LIPG: variants seen among roughly 807,000 people sequenced by gnomAD.
LIPG encodes the protein lipase G, endothelial type.
Under a neutral mutation model 51.8 loss-of-function variants are expected in LIPG, and 34 were observed. That is an observed-to-expected ratio of 0.66 (90% CI 0.50 to 0.87). The LOEUF is 0.87. Among genes scored for constraint, LIPG ranks in the 40% least tolerant of loss-of-function variants. The pLI is 0.00. For missense variants in LIPG, 580 were observed against 652.7 expected (o/e 0.89, Z 1.21); for synonymous variants, 246 against 246.1 (o/e 1.00, Z 0.00).
Position 49,565,321 on chromosome 18 carries a change from G to C in LIPG, c.102G>C (p.Lys34Asn). 1.9e-6 allele frequency: 3 copies of C among 1,613,964 alleles called. No homozygotes were observed. The highest frequency in any genetic ancestry group is 4.5e-5 in the East Asian group (2 of 44,874). The stretch of plus-strand genomic sequence containing the variant: ...CGCTCTGTTCTGTCTCCCCAGATAA[G>C]CTCCACAAACCCAAAGCTACACAGA... ...PFGPEGRLED[K>N]LHKPKATQTE... The change falls in exon 2 of 10, where the codon AAG becomes AAC. Residue 34 changes from lysine (K) to asparagine (N), a missense_variant. Physicochemically the swap from Lys to Asn is moderately conservative, Grantham distance 94. Coordinates refer to ENST00000261292, the MANE Select transcript of LIPG (RefSeq NM_006033.4).
chr18:49,589,393 T>G (rs2084917474), intron 9 of LIPG: 3 of 152,230 alleles, frequency 2.0e-5, no homozygotes, highest in Non-Finnish European at 4.4e-5. Flanking sequence ...TGTTTCCACA[T>G]ATATTAACTT....
At position 49,597,365 on chromosome 18, in the gene LIPG, G is replaced by A. The variant is rs543580490; in HGVS notation, c.*6843G>A. On this transcript the variant is annotated 3_prime_UTR_variant, in exon 10 of 10. Transcript: ENST00000261292. ...CCCAGTGGTTTCCATGGCAGCAACG[G>A]TTGCCATAGAGAGGTGAAGAGAGGT... 4.6e-4 allele frequency: 70 copies of A among 152,328 alleles called. No individual in the cohort carries two copies. The highest frequency in any genetic ancestry group is 1.5e-3 in the African/African-American group (63 of 41,566). The allele number at this position is 152,328 out of a possible 1,614,324, so 9.4% of individuals were successfully genotyped here. A position where few individuals can be genotyped will look rare whatever the true frequency, so the allele number is the denominator to read the frequency against.
chr18:49,581,367 C>T, intron 5 of LIPG, 48 bp from the exon 6 acceptor site: 1 of 1,612,768 alleles, frequency 6.2e-7, no homozygotes, highest in African/African-American at 1.3e-5. Context: ...AGTGTCTAAT[C>T]ATCAAGAAGG....
At chr18:49,562,712 G>A (rs1215171664) in intron 1 of LIPG, among the ~76,000 whole-genome samples, 3 of 151,684 alleles carry the variant, frequency 2.0e-5, no homozygotes, top group African/African-American at 4.8e-5. Flanking sequence ...CCAGCCGAGC[G>A]GCCTGGCAGC....
At chr18:49,578,886 CCTGCAATCGCAGGCACTCGGCAGG>C (rs1339150705) in intron 5 of LIPG, among the ~76,000 whole-genome samples, 4 of 78,304 alleles carry the variant, frequency 5.1e-5, no homozygotes, top group African/African-American at 1.2e-4. Flanking sequence ...GTGGCGCGTG[CCTGCAATCGCAGGCACTCGGCAGG>C]CTGAGGCAGG....
chr18:49,585,787 A>G (rs1437539739), intron 8 of LIPG, among the ~76,000 whole-genome samples: 1 of 152,226 alleles, frequency 6.6e-6, no homozygotes, highest in Non-Finnish European at 1.5e-5. Context: ...TTAACTATGG[A>G]TGAAGAGTTC....
intron 5 of LIPG, 89 bp downstream of exon 5, chr18:49,575,679 T>C: frequency 9.7e-7 from 1 of 1,034,850 alleles, no homozygotes; most frequent in South Asian, 1.3e-5. Context: ...GCAGGCACTA[T>C]TTATTCATTA....
intron 8 of LIPG, among the ~76,000 whole-genome samples, chr18:49,586,483 G>C (rs897733851): frequency 1.5e-4 from 18 of 124,054 alleles, no homozygotes; most frequent in Non-Finnish European, 3.1e-4. Flanking sequence ...GGCCTTGAGA[G>C]GCAGGTGGCC....
intron 4 of LIPG, among the ~76,000 whole-genome samples, chr18:49,574,961 T>C (rs2084700192): frequency 6.6e-6 from 1 of 152,204 alleles, no homozygotes; most frequent in Non-Finnish European, 1.5e-5. Flanking sequence ...ATTAAGGACA[T>C]GAAAGATGCT....
intron 9 of LIPG, 96 bp downstream of exon 9, chr18:49,586,946 C>G: frequency 1.1e-6 from 1 of 901,990 alleles, no homozygotes; most frequent in Non-Finnish European, 1.8e-6. Flanking sequence ...AGGGACATAG[C>G]ATGAACAAAA....
At chr18:49,585,455 A>G (rs1230873874) in intron 8 of LIPG, among the ~76,000 whole-genome samples, 2 of 152,194 alleles carry the variant, frequency 1.3e-5, no homozygotes, top group Non-Finnish European at 2.9e-5. Flanking sequence ...TTACAATTTG[A>G]TTTTTTCATT....
chr18:49,563,928 C>T (rs1242957096), intron 1 of LIPG, among the ~76,000 whole-genome samples: 2 of 152,048 alleles, frequency 1.3e-5, no homozygotes, highest in African/African-American at 4.8e-5. Flanking sequence ...CCTAGGTTTC[C>T]CCATCTGGCC....
intron 9 of LIPG, 24 bp from the exon 10 acceptor site, chr18:49,590,477 C>T: frequency 6.3e-7 from 1 of 1,597,010 alleles, no homozygotes; most frequent in Non-Finnish European, 8.5e-7. Flanking sequence ...CTAACAAATG[C>T]CACTCTCACA....
Position 49,575,486 on chromosome 18 carries a change from T to C in LIPG, c.689T>C (p.Ile230Thr). 1.2e-6 allele frequency: 2 copies of C among 1,614,234 alleles called. No individual in the cohort carries two copies. Among genetic ancestry groups the C allele is most frequent in the Non-Finnish European group, 8.5e-7 (1 of 1,180,038 alleles). Residue 230 changes from isoleucine to threonine, a missense_variant, in exon 5 of 10, where the codon ATT becomes ACT. Physicochemically the swap from Ile to Thr is moderately conservative, Grantham distance 89. Coordinates refer to ENST00000261292, the MANE Select transcript of LIPG (RefSeq NM_006033.4). ...TACACGCGTTCCTTCGGCTTGAGCA[T>C]TGGTATTCAGATGCCTGTGGGCCAC... ...HTYTRSFGLS[I>T]GIQMPVGHID...
chr18:49,567,657 C>T, intron 3 of LIPG, 36 bp downstream of exon 3: 1 of 1,606,256 alleles, frequency 6.2e-7, no homozygotes, highest in Non-Finnish European at 8.5e-7. Flanking sequence ...CTGTCACCAG[C>T]AGGATCTCAA....
At position 49,579,792 on chromosome 18, in the gene LIPG, T is replaced by TCCTTTC. The variant is rs1568533574; in HGVS notation, c.794-1622_794-1621insCTTTCC. Reference sequence around the variant, plus strand: ...TCTTTTCTTTTCTTTTCTTTTCTTTTCTTTTCTTTTCTTTTCTTTTCTTTT... The same window carrying TCCTTTC: ...TCTTTTCTTTTCTTTTCTTTTCTTTTCCTTTCCTTTTCTTTTCTTTTCTTTTCTTTT... On this transcript the variant is annotated intron_variant, in intron 5 of 9. Transcript: ENST00000261292. 7.2e-4 allele frequency among the ~76,000 whole-genome samples: 101 copies of TCCTTTC among 139,730 alleles called. 2 individuals carry two copies. The highest frequency in any genetic ancestry group is 2.8e-3 in the African/African-American group (90 of 32,372). The allele number at this position is 139,730 out of a possible 152,430, so 91.7% of individuals were successfully genotyped here. A position where few individuals can be genotyped will look rare whatever the true frequency, so the allele number is the denominator to read the frequency against.
At chr18:49,580,703 C>A (rs1262086359) in intron 5 of LIPG, among the ~76,000 whole-genome samples, 4 of 152,110 alleles carry the variant, frequency 2.6e-5, no homozygotes, top group Non-Finnish European at 5.9e-5. Context: ...TTTTGCTGAG[C>A]CCTGCGTGAG....
rs559608910 is a variant in LIPG at position 49,572,964 on chromosome 18, T to G, written c.572-2405T>G. Reference sequence around the variant, plus strand: ...GTCATTCATCCCTAGTTAAAAAAGTTAAATGTGCCACTGTACCCCTGAATC... The same window carrying G: ...GTCATTCATCCCTAGTTAAAAAAGTGAAATGTGCCACTGTACCCCTGAATC... On this transcript the variant is annotated intron_variant, in intron 4 of 9. Transcript: ENST00000261292. 3.3e-5 allele frequency among the ~76,000 whole-genome samples: 5 copies of G among 152,258 alleles called. No individual in the cohort carries two copies. In the South Asian group the frequency reaches 1.0e-3, roughly 32 times the overall value.
chr18:49,565,417 C>T lies in LIPG; in HGVS notation c.198C>T (p.Leu66=), dbSNP rs1302835888. ...SKDPEHEGCY[L]SVGHSQPLED... The stretch of plus-strand genomic sequence containing the variant: ...ACCCAGAGCATGAAGGATGCTACCT[C>T]TCCGTCGGCCACAGCCAGCCCTTAG... Residue 66 remains leucine (L), a synonymous_variant, in exon 2 of 10, where the codon CTC becomes CTT. Coordinates refer to ENST00000261292, the MANE Select transcript of LIPG (RefSeq NM_006033.4). The T allele has an allele frequency of 1.9e-6, 3 of 1,614,242 alleles. No homozygotes were observed. The highest frequency in any genetic ancestry group is 2.5e-6 in the Non-Finnish European group (3 of 1,180,050).
Sources: gnomAD v4.1 joint callset for allele counts (sites outside exome capture counted in the v4.1 genomes callset) on GRCh38, gnomAD v4.1.1 for gene constraint, MANE v1.5 for transcripts, NCBI Gene and HGNC (gene_info 2026-07-23, HGNC 2026-07-21) for gene names.